The following NOL11 variants were observed in gnomAD, a reference collection of about 807,000 sequenced individuals.
The protein encoded by NOL11 is nucleolar protein 11.
A neutral mutation model predicts 93.0 loss-of-function variants in NOL11; 42 were observed. The ratio of observed to expected loss-of-function variants is 0.45; its 90% CI spans 0.35 to 0.58. The LOEUF (loss-of-function observed/expected upper bound fraction) is 0.58. Among genes scored for constraint, NOL11 ranks in the 20% least tolerant of loss-of-function variants. The pLI is 0.00. For synonymous variants in NOL11, 296 were observed against 293.7 expected (o/e 1.01, Z -0.08); for missense variants, 775 against 841.8 (o/e 0.92, Z 0.98).
intron 9 of NOL11, among the ~76,000 whole-genome samples, chr17:67,736,297 CA>C (rs1491047645): frequency 2.0e-5 from 3 of 147,448 alleles, no homozygotes; most frequent in African/African-American, 7.6e-5. Context: ...AAATGGAAAA[CA>C]AAAAAAAAAA....
Position 67,718,201 on chromosome 17 carries a change from C to T in NOL11, c.141+113C>T, listed in dbSNP as rs376896126. 1.8e-4 allele frequency: 257 copies of T among 1,437,604 alleles called. No individual in the cohort carries two copies. The African/African-American group carries it at 3.1e-3, about 18-fold the overall frequency. The allele number at this position is 1,437,604 out of a possible 1,614,324, so 89.1% of individuals were successfully genotyped here. On this transcript the variant is annotated intron_variant, in intron 1 of 17. Transcript: ENST00000253247. ...GAAAGAGATCGTGGAGAAGGCTTAG[C>T]AGAGAGCCGGCTGGGCCTGTTGGGG...
chr17:67,724,443 C>T (rs1567799752), intron 6 of NOL11, among the ~76,000 whole-genome samples: 1 of 151,796 alleles, frequency 6.6e-6, no homozygotes, highest in Non-Finnish European at 1.5e-5. Context: ...AAACAATTCT[C>T]CTGCCTCAGC....
intron 7 of NOL11, among the ~76,000 whole-genome samples, chr17:67,728,612 G>GTC (rs2055121757): frequency 6.6e-6 from 1 of 151,960 alleles, no homozygotes; most frequent in African/African-American, 2.4e-5. Context: ...AGTTTCCTGT[G>GTC]TCTCTTCCTA....
At chr17:67,719,538 C>T (rs1205686032) in intron 1 of NOL11, 136 bp from the exon 2 acceptor site, 5 of 531,472 alleles carry the variant, frequency 9.4e-6, no homozygotes, top group East Asian at 3.5e-5. Context: ...GGATTACAGG[C>T]GTGAGCCACT....
At chr17:67,721,564 A>G in intron 4 of NOL11, 38 bp downstream of exon 4, 1 of 1,550,808 alleles carries the variant, frequency 6.4e-7, no homozygotes, top group Non-Finnish European at 8.8e-7. Flanking sequence ...TATCAAAATA[A>G]AAATGCACTG....
intron 7 of NOL11, among the ~76,000 whole-genome samples, chr17:67,731,310 C>T (rs1399072300): frequency 3.8e-5 from 1 of 26,578 alleles, no homozygotes; most frequent in Admixed American, 6.3e-4. Flanking sequence ...GTCGCCCAGG[C>T]GGGACTGCTG....
chr17:67,729,687 C>G (rs1354868241), intron 7 of NOL11, among the ~76,000 whole-genome samples: 3 of 151,884 alleles, frequency 2.0e-5, no homozygotes, highest in Non-Finnish European at 4.4e-5. Context: ...CATGCCATTC[C>G]CCTGACTCAG....
intron 8 of NOL11, among the ~76,000 whole-genome samples, chr17:67,734,889 G>GT (rs2055187308): frequency 6.6e-6 from 1 of 152,184 alleles, no homozygotes; most frequent in Non-Finnish European, 1.5e-5. Context: ...GAGGGATTAT[G>GT]TTTAGTTCAG....
At chr17:67,736,108 T>C in intron 9 of NOL11, 85 bp downstream of exon 9, 1 of 1,257,450 alleles carries the variant, frequency 8.0e-7, no homozygotes, top group Non-Finnish European at 1.1e-6. Context: ...GCCTTCTATT[T>C]GTAAAGCTTT....
chr17:67,743,660 T>G, intron 17 of NOL11, 74 bp downstream of exon 17: 2 of 1,260,346 alleles, frequency 1.6e-6, no homozygotes, highest in South Asian at 1.4e-5. Context: ...TTCTTAAAAT[T>G]TGTCCTTAAA....
rs1029983898 is a variant in NOL11, at chr17:67,722,125, G to C, written c.462-455G>C. Among the ~76,000 whole-genome samples the C allele has an allele frequency of 5.3e-5, 8 of 152,182 alleles. No individual in the cohort carries two copies. In the South Asian group the frequency reaches 1.7e-3, roughly 31 times the overall value. On this transcript the variant is annotated intron_variant, in intron 4 of 17. Coordinates refer to ENST00000253247, the MANE Select transcript of NOL11 (RefSeq NM_015462.5). ...GACTGACCTGATGAATCCCTCTAAG[G>C]TGTGAGCAACTGTTGTGAGGGAAAT... is the stretch of plus-strand genomic sequence containing the variant.
intron 9 of NOL11, 137 bp downstream of exon 9, chr17:67,736,160 A>G (rs1327144944): frequency 1.2e-6 from 1 of 802,314 alleles, no homozygotes; most frequent in Non-Finnish European, 1.9e-6. Context: ...GAAACTTGTG[A>G]ACAGGCCAGG....
intron 14 of NOL11, 34 bp downstream of exon 14, chr17:67,738,389 C>T: frequency 1.4e-6 from 2 of 1,414,964 alleles, no homozygotes; most frequent in Non-Finnish European, 2.0e-6. Context: ...CTCTGTTTCT[C>T]TTTATAGGAT....
intron 3 of NOL11, among the ~76,000 whole-genome samples, chr17:67,720,991 G>T (rs1330444191): frequency 6.6e-6 from 1 of 152,124 alleles, no homozygotes; most frequent in Non-Finnish European, 1.5e-5. Context: ...TTCTTTTTCT[G>T]GAATTGCAGG....
At chr17:67,725,955 A>G (rs2055088192) in intron 6 of NOL11, among the ~76,000 whole-genome samples, 1 of 152,086 alleles carries the variant, frequency 6.6e-6, no homozygotes, top group African/African-American at 2.4e-5. Flanking sequence ...AGGTTTGTGC[A>G]CCTGTAGTCC....
rs144209461 is a variant in NOL11, at chr17:67,731,751, G to A, written c.854-2612G>A. Among the ~76,000 whole-genome samples the A allele has an allele frequency of 1.4e-4, 21 of 152,214 alleles. No homozygotes were observed. In the East Asian group the frequency reaches 4.1e-3, roughly 29 times the overall value. ...GATTAACTTTGTTCCTTTGCCTGTG[G>A]CTCTCCAGTTGTCCCAGCACCACAG... On this transcript the variant is annotated intron_variant, in intron 7 of 17. Transcript: ENST00000253247.
chr17:67,726,634 T>TA lies in NOL11; in HGVS notation c.840dup (p.Ala281SerfsTer4), dbSNP rs1325786641. 1 of 1,602,106 alleles carries TA rather than the reference T, an allele frequency of 6.2e-7. No homozygotes were observed. The highest frequency in any genetic ancestry group is 1.8e-5 in the Admixed American group (1 of 56,792). On this transcript the variant is annotated frameshift_variant, in exon 7 of 18. Transcript: ENST00000253247. LOFTEE classifies it high-confidence loss of function. The stretch of plus-strand genomic sequence containing the variant: ...CACGTCGCAGTCCTAGGAAGTCCAC[T>TA]AGCAGCTTCTAAGGGTAACTGACAT...
At chr17:67,730,293 C>G (rs1010068949) in intron 7 of NOL11, among the ~76,000 whole-genome samples, 7 of 152,096 alleles carry the variant, frequency 4.6e-5, no homozygotes, top group Admixed American at 1.3e-4. Context: ...GAGTCTCGCT[C>G]TGTCGCCCAG....
intron 11 of NOL11, 100 bp downstream of exon 11, chr17:67,737,245 C>T (rs1333507745): frequency 2.5e-6 from 2 of 787,210 alleles, no homozygotes; most frequent in African/African-American, 1.7e-5. Flanking sequence ...CATCTTTATA[C>T]CTATAGCTAA....
Sources: gnomAD v4.1 joint callset for allele counts (sites outside exome capture counted in the v4.1 genomes callset) on GRCh38, gnomAD v4.1.1 for gene constraint, MANE v1.5 for transcripts, NCBI Gene and HGNC (gene_info 2026-07-23, HGNC 2026-07-21) for gene names.